The following CMTM7 variants were observed in gnomAD, a reference collection of about 807,000 sequenced individuals.
The protein encoded by CMTM7 is CKLF like MARVEL transmembrane domain containing 7.
Under a neutral mutation model 19.3 loss-of-function variants are expected in CMTM7, and 7 were observed. That is an observed-to-expected ratio of 0.36 (90% CI 0.21 to 0.68). The LOEUF (loss-of-function observed/expected upper bound fraction) is 0.68, where lower values mean the gene tolerates loss of function less well. Among genes scored for constraint, CMTM7 ranks in the 30% least tolerant of loss-of-function variants. The probability of loss-of-function intolerance (pLI) is 0.60; values close to 1 mark genes in which losing one functional copy is unlikely to be tolerated. For missense variants in CMTM7, 193 were observed against 232.6 expected (o/e 0.83, Z 1.11); for synonymous variants, 87 against 99.3 (o/e 0.88, Z 0.74).
At chr3:32,400,320 G>C (rs1430370602) in intron 1 of CMTM7, among the ~76,000 whole-genome samples, 1 of 151,600 alleles carries the variant, frequency 6.6e-6, no homozygotes, top group African/African-American at 2.4e-5. Context: ...TTGCCCGGCT[G>C]GTGGTGTTTT....
chr3:32,454,162 G>A, intron 4 of CMTM7, 79 bp from the exon 5 acceptor site: 1 of 1,472,170 alleles, frequency 6.8e-7, no homozygotes, highest in Non-Finnish European at 9.2e-7. Context: ...AGCAGAACTT[G>A]GAGTCAAACC....
rs1169214005 is a variant in CMTM7 at position 32,454,141 on chromosome 3, G to A, written c.515-100G>A. 7 of 1,269,824 alleles carry A rather than the reference G, an allele frequency of 5.5e-6. No individual in the cohort carries two copies. The African/African-American group carries it at 9.0e-5, about 16-fold the overall frequency. 78.7% of individuals were successfully genotyped at this position (1,269,824 alleles called of 1,614,324 possible). On this transcript the variant is annotated intron_variant, in intron 4 of 4. Transcript: ENST00000334983. ...AGTCGGCACTGGGTGGAGGACACAGGTGCCCCCCTGAGCAGAACTTGGAGT... is the reference window on the plus strand; with the variant it reads ...AGTCGGCACTGGGTGGAGGACACAGATGCCCCCCTGAGCAGAACTTGGAGT...
chr3:32,452,379 C>A lies in CMTM7; in HGVS notation c.433-13C>A. On this transcript the variant is annotated splice_polypyrimidine_tract_variant and intron_variant, in intron 3 of 4. Coordinates refer to ENST00000334983, the MANE Select transcript of CMTM7 (RefSeq NM_138410.4). ...ATGGCCTGTGAACTTCCTCTCCCCT[C>A]TCTCCACTGCAGATCTTTGGTTTCA... is the stretch of plus-strand genomic sequence containing the variant. 5 of 1,614,196 alleles carry A rather than the reference C, an allele frequency of 3.1e-6. No individual in the cohort carries two copies. The highest frequency in any genetic ancestry group is 3.4e-6 in the Non-Finnish European group (4 of 1,180,028).
At chr3:32,428,958 G>A (rs995016958) in intron 1 of CMTM7, among the ~76,000 whole-genome samples, 6 of 152,162 alleles carry the variant, frequency 3.9e-5, no homozygotes, top group Non-Finnish European at 7.3e-5. Context: ...AAGGCTCTGC[G>A]CTGGTATTTG....
At chr3:32,430,681 A>ATGTGTG (rs35054129) in intron 1 of CMTM7, among the ~76,000 whole-genome samples, 3,592 of 133,984 alleles carry the variant, frequency 0.027, 93 homozygotes, top group Middle Eastern at 0.045. Flanking sequence ...CTACATCTGA[A>ATGTGTG]TGTGTGTGTG....
chr3:32,426,084 G>C (rs144808532), intron 1 of CMTM7, among the ~76,000 whole-genome samples: 2 of 152,306 alleles, frequency 1.3e-5, no homozygotes, highest in East Asian at 3.9e-4. Context: ...GGCAGAGTTT[G>C]CGGTGAGCCA....
rs201319538 is a variant in CMTM7 at position 32,434,032 on chromosome 3, C to CA, written c.160-7800dup. On this transcript the variant is annotated intron_variant, in intron 1 of 4. Transcript: ENST00000334983. ...GTGAAATCCTATCTCTACTAAAATA[C>CA]AAAAAAAATAGCTGGGCCTGGTGGT... is the stretch of plus-strand genomic sequence containing the variant. 6.9e-3 allele frequency among the ~76,000 whole-genome samples: 1,045 copies of CA among 151,322 alleles called. 5 individuals are homozygous for CA. The highest frequency in any genetic ancestry group is 0.013 in the Admixed American group (198 of 15,164).
chr3:32,422,577 G>T (rs114128793), intron 1 of CMTM7, among the ~76,000 whole-genome samples: 1 of 152,348 alleles, frequency 6.6e-6, no homozygotes, highest in Non-Finnish European at 1.5e-5. Context: ...ATCCTTGAAT[G>T]AATAACTTCA....
intron 1 of CMTM7, among the ~76,000 whole-genome samples, chr3:32,421,583 T>C (rs1227486883): frequency 1.3e-5 from 2 of 152,182 alleles, no homozygotes; most frequent in African/African-American, 4.8e-5. Flanking sequence ...CCTCACAAAT[T>C]GTAGCTCTCT....
intron 2 of CMTM7, among the ~76,000 whole-genome samples, chr3:32,444,949 T>G (rs1268814370): frequency 6.6e-6 from 1 of 152,180 alleles, no homozygotes; most frequent in Non-Finnish European, 1.5e-5. Context: ...GTCTGAGCAT[T>G]TTATTCTTTT....
chr3:32,448,768 G>A (rs1189080399), intron 2 of CMTM7, among the ~76,000 whole-genome samples: 1 of 149,620 alleles, frequency 6.7e-6, no homozygotes, highest in Non-Finnish European at 1.5e-5. Flanking sequence ...GAAAAGAGAA[G>A]AGGGAATGAC....
intron 1 of CMTM7, among the ~76,000 whole-genome samples, chr3:32,426,227 G>A (rs1259724925): frequency 6.6e-6 from 1 of 152,132 alleles, no homozygotes; most frequent in East Asian, 1.9e-4. Context: ...AAAACCCTGA[G>A]TTAAAACTAG....
intron 1 of CMTM7, among the ~76,000 whole-genome samples, chr3:32,393,751 G>A (rs1017059429): frequency 2.0e-5 from 3 of 147,408 alleles, no homozygotes; most frequent in Admixed American, 6.9e-5. Context: ...ACTAGTCTGC[G>A]TGACGGAGGG....
chr3:32,424,212 T>C (rs1018623497), intron 1 of CMTM7, among the ~76,000 whole-genome samples: 1 of 152,176 alleles, frequency 6.6e-6, no homozygotes, highest in Non-Finnish European at 1.5e-5. Context: ...TTATGGGCTG[T>C]AACACCTACA....
intron 1 of CMTM7, among the ~76,000 whole-genome samples, chr3:32,401,167 T>G (rs949956521): frequency 6.6e-6 from 1 of 152,186 alleles, no homozygotes; most frequent in African/African-American, 2.4e-5. Context: ...TTTTAAATGC[T>G]CTTGTATTTA....
intron 1 of CMTM7, among the ~76,000 whole-genome samples, chr3:32,399,685 C>T (rs897655837): frequency 3.9e-5 from 6 of 152,072 alleles, no homozygotes; most frequent in African/African-American, 1.4e-4. Context: ...TGGCGGAGGG[C>T]GAGGAGGGGG....
rs1055254164 is a variant in CMTM7 at position 32,431,789 on chromosome 3, A to G, written c.160-10051A>G. On this transcript the variant is annotated intron_variant, in intron 1 of 4. Transcript: ENST00000334983. ...CCTTGTGTGCCTCAGTTTCCACATA[A>G]AAAGATGATAGTAGTACTTACCTCC... Among the ~76,000 whole-genome samples the G allele has an allele frequency of 3.3e-5, 5 of 152,182 alleles. No individual in the cohort carries two copies. The East Asian group carries it at 9.6e-4, about 29-fold the overall frequency.
rs143264693 is a variant in CMTM7 at position 32,413,945 on chromosome 3, G to A, written c.159+21880G>A. ...CAAAGGGACTCGCCTCACCCAAGAT[G>A]ATGCCTAACCTCTCCCTGGGGGCAG... On this transcript the variant is annotated intron_variant, in intron 1 of 4. Coordinates refer to ENST00000334983, the MANE Select transcript of CMTM7 (RefSeq NM_138410.4). 9.9e-4 allele frequency among the ~76,000 whole-genome samples: 150 copies of A among 152,258 alleles called. 2 individuals are homozygous for A. Among genetic ancestry groups the A allele is most frequent in the Admixed American group, 3.6e-3 (55 of 15,300 alleles).
chr3:32,440,252 C>T (rs1696655801), intron 1 of CMTM7, among the ~76,000 whole-genome samples: 1 of 151,632 alleles, frequency 6.6e-6, no homozygotes, highest in African/African-American at 2.4e-5. Flanking sequence ...ACTAAAAATG[C>T]AAAAATTAGC....
Sources: allele counts gnomAD v4.1 joint callset (sites outside exome capture counted in the v4.1 genomes callset), GRCh38; gene constraint gnomAD v4.1.1; transcripts MANE v1.5; gene names NCBI Gene and HGNC (gene_info 2026-07-23, HGNC 2026-07-21).